The following NCOA7 variants were observed in gnomAD, a reference collection of about 807,000 sequenced individuals.
NCOA7 encodes nuclear receptor coactivator 7.
NCOA7 carries 45 observed loss-of-function variants against 104.3 expected under a neutral mutation model. The ratio of observed to expected loss-of-function variants is 0.43; its 90% confidence interval spans 0.34 to 0.55. The LOEUF (loss-of-function observed/expected upper bound fraction) is 0.55, where lower values mean the gene tolerates loss of function less well. NCOA7 is among the 20% of genes least tolerant of loss of function. The pLI, the probability that NCOA7 is intolerant of heterozygous loss-of-function variation, is 0.02. For synonymous variants in NCOA7, 398 were observed against 402.3 expected (o/e 0.99, Z 0.13); for missense variants, 1,041 against 1,119.7 (o/e 0.93, Z 1.00).
intron 2 of NCOA7, 152 bp downstream of exon 2, chr6:125,815,556 AT>A: frequency 1.7e-6 from 1 of 604,162 alleles, no homozygotes; most frequent in Non-Finnish European, 2.9e-6. Flanking sequence ...TGCTTCATCC[AT>A]TTTATTCATA....
At chr6:125,790,815 A>C (rs1774757831), upstream of NCOA7, 1 of 152,188 alleles carries the variant, frequency 6.6e-6, no homozygotes, top group Admixed American at 6.5e-5. Context: ...GCGCGTGGGA[A>C]GAGGCCTAAG....
intron 10 of NCOA7, among the ~76,000 whole-genome samples, chr6:125,891,992 A>T (rs898998143): frequency 7.9e-5 from 12 of 152,190 alleles, no homozygotes; most frequent in African/African-American, 2.9e-4. Flanking sequence ...CAACAGAAGC[A>T]GTGCAGATTT....
chr6:125,805,878 T>A (rs1017098262), intron 1 of NCOA7, among the ~76,000 whole-genome samples: 20 of 152,354 alleles, frequency 1.3e-4, no homozygotes, highest in Admixed American at 1.3e-3. Flanking sequence ...GAATTTTCTG[T>A]TCCATGGGGC....
Sources: gnomAD v4.1 joint callset for allele counts (sites outside exome capture counted in the v4.1 genomes callset) on GRCh38, gnomAD v4.1.1 for gene constraint, MANE v1.5 for transcripts, NCBI Gene and HGNC (gene_info 2026-07-23, HGNC 2026-07-21) for gene names.